Variants in CELA3B observed in about 807,000 individuals in gnomAD.
CELA3B encodes the protein chymotrypsin like elastase 3B, also known as chymotrypsin-like elastase family member 3B.
CELA3B carries 34 observed loss-of-function variants against 37.2 expected under a neutral mutation model. The observed-to-expected ratio is 0.91, with a 90% confidence interval of 0.70 to 1.22. The LOEUF is 1.22. CELA3B is among the 50% of genes most tolerant of loss of function. CELA3B has a pLI of 0.00. For synonymous variants in CELA3B, 127 were observed against 143.5 expected (o/e 0.89, Z 0.82); for missense variants, 340 against 363.1 (o/e 0.94, Z 0.52).
At position 21,986,651 on chromosome 1, in the gene CELA3B, C is replaced by G. The variant is rs372943878; in HGVS notation, c.763C>G (p.Arg255Gly). 3.7e-6 allele frequency: 6 copies of G among 1,613,728 alleles called. No individual in the cohort carries two copies. Among genetic ancestry groups the G allele is most frequent in the Admixed American group, 3.3e-5 (2 of 59,900 alleles). ...CCGCAGGAAGCCCACGGTGTTCACTCGAGTCTCCGCCTTCATTGACTGGAT... is the reference window on the plus strand; with the variant it reads ...CCGCAGGAAGCCCACGGTGTTCACTGGAGTCTCCGCCTTCATTGACTGGAT... ...NTRRKPTVFT[R>G]VSAFIDWIEE... The change falls in exon 7 of 8, where the codon CGA (arginine) becomes GGA (glycine). Residue 255 changes from arginine (R) to glycine (G), a missense_variant. By Grantham distance (125) the Arg-to-Gly change is moderately radical (BLOSUM62 -2). Transcript: ENST00000337107.
At position 21,986,628 on chromosome 1, in the gene CELA3B, G is replaced by C. The variant is rs887057466; in HGVS notation, c.740G>C (p.Arg247Pro). ...SFVSAFGCNT[R>P]RKPTVFTRVS... ...GTTTCTGCCTTTGGCTGCAACACCC[G>C]CAGGAAGCCCACGGTGTTCACTCGA... is the stretch of plus-strand genomic sequence containing the variant. The change falls in exon 7 of 8, where the codon CGC becomes CCC. Residue 247 changes from arginine (R) to proline (P), a missense_variant. Arg to Pro is a moderately radical substitution (Grantham distance 103). Transcript: ENST00000337107. 6.8e-6 allele frequency: 11 copies of C among 1,613,438 alleles called. No individual in the cohort carries two copies. Among genetic ancestry groups the C allele is most frequent in the South Asian group, 3.3e-5 (3 of 91,068 alleles).
At chr1:21,992,429 G>T (rs1347668757), downstream of CELA3B, among the ~76,000 whole-genome samples, 1 of 151,764 alleles carries the variant, frequency 6.6e-6, no homozygotes, top group African/African-American at 2.4e-5. Flanking sequence ...AAGACCCTGT[G>T]CATCAAAAGG....
chr1:21,997,117 T>C (rs1380927461), intron 4 of CELA3B, among the ~76,000 whole-genome samples: 2 of 147,722 alleles, frequency 1.4e-5, no homozygotes, highest in Non-Finnish European at 3.0e-5. Context: ...CCTGGCATTT[T>C]GGGAGGCTGA....
intron 7 of CELA3B, among the ~76,000 whole-genome samples, chr1:21,988,937 A>G (rs1644856450): frequency 6.6e-6 from 1 of 151,754 alleles, no homozygotes; most frequent in Non-Finnish European, 1.5e-5. Context: ...ATATACATAC[A>G]TACATACATA....
chr1:21,983,669 C>T, intron 4 of CELA3B, 25 bp from the exon 5 acceptor site: 1 of 1,610,152 alleles, frequency 6.2e-7, no homozygotes, highest in Non-Finnish European at 8.5e-7. Flanking sequence ...AGGACCAGGC[C>T]CCGTGACTGT....
At chr1:21,978,585 C>G (rs1644785555) in intron 2 of CELA3B, 131 bp downstream of exon 2, 2 of 1,116,060 alleles carry the variant, frequency 1.8e-6, no homozygotes, top group Admixed American at 2.1e-5. Context: ...ACCAGGCAGC[C>G]CTTGGACCAT....
chr1:21,981,950 C>T (rs1002307005), intron 4 of CELA3B, among the ~76,000 whole-genome samples: 2 of 152,058 alleles, frequency 1.3e-5, no homozygotes, highest in Admixed American at 6.6e-5. Context: ...TGATCTCGAT[C>T]TCCTGACCTC....
chr1:21,985,627 C>G (rs1644832955), intron 6 of CELA3B, among the ~76,000 whole-genome samples: 1 of 149,864 alleles, frequency 6.7e-6, no homozygotes, highest in South Asian at 2.1e-4. Flanking sequence ...CTTGGTGGCT[C>G]ATGCCTGTAA....
At chr1:21,979,243 T>C (rs1356534771) in intron 2 of CELA3B, among the ~76,000 whole-genome samples, 1 of 151,056 alleles carries the variant, frequency 6.6e-6, no homozygotes, top group Admixed American at 6.6e-5. Flanking sequence ...CGGCTAATTC[T>C]GTATTTTTAG....
intron 7 of CELA3B, chr1:21,987,836 T>C (rs1569849551): frequency 6.6e-6 from 1 of 151,288 alleles, no homozygotes; most frequent in South Asian, 2.1e-4. Flanking sequence ...TGGCAGCACA[T>C]GTACTAAAAT....
chr1:21,991,824 T>C (rs1308164611), downstream of CELA3B, among the ~76,000 whole-genome samples: 2 of 150,904 alleles, frequency 1.3e-5, no homozygotes, highest in African/African-American at 2.5e-5. Flanking sequence ...CAACAGGTTA[T>C]AGAAGGAGCT....
chr1:21,985,650 G>C (rs1644833072), intron 6 of CELA3B, among the ~76,000 whole-genome samples: 1 of 151,478 alleles, frequency 6.6e-6, no homozygotes, highest in African/African-American at 2.4e-5. Context: ...CCAGCACTTT[G>C]GGAGGCCGAG....
At chr1:21,995,831 G>A (rs1418260442) in intron 4 of CELA3B, among the ~76,000 whole-genome samples, 3 of 146,700 alleles carry the variant, frequency 2.0e-5, no homozygotes, top group African/African-American at 5.2e-5. Context: ...TGAGGGCTAC[G>A]AGCAAAGGTT....
At chr1:21,992,062 A>G (rs1644871183), downstream of CELA3B, among the ~76,000 whole-genome samples, 1 of 150,790 alleles carries the variant, frequency 6.6e-6, no homozygotes, top group Admixed American at 6.6e-5. Flanking sequence ...AGATGTTGCA[A>G]TGAGCTGAGA....
chr1:21,994,384 T>C (rs1339332087), intron 4 of CELA3B, among the ~76,000 whole-genome samples: 1 of 151,072 alleles, frequency 6.6e-6, no homozygotes, highest in Non-Finnish European at 1.5e-5. Context: ...GCTACCAGCA[T>C]CTCCTCTCTC....
downstream of CELA3B, among the ~76,000 whole-genome samples, chr1:21,991,301 T>C (rs1339144523): frequency 7.6e-6 from 1 of 131,318 alleles, no homozygotes; most frequent in South Asian, 2.5e-4. Context: ...GCCTTCCGAG[T>C]AGCTGGGACT....
chr1:21,982,817 G>T (rs1038147280), intron 4 of CELA3B, among the ~76,000 whole-genome samples: 1 of 143,878 alleles, frequency 7.0e-6, no homozygotes, highest in Admixed American at 7.3e-5. Context: ...AGCTGGGACT[G>T]CAGGTGCCCG....
intron 5 of CELA3B, 55 bp from the exon 6 acceptor site, chr1:21,984,134 G>C: frequency 6.4e-7 from 1 of 1,572,942 alleles, no homozygotes; most frequent in Admixed American, 1.8e-5. Flanking sequence ...CCTTCCTCTG[G>C]GGCTCCTAGC....
chr1:21,993,394 G>A (rs1468965115), downstream of CELA3B, among the ~76,000 whole-genome samples: 3 of 149,086 alleles, frequency 2.0e-5, no homozygotes, highest in African/African-American at 5.0e-5. Context: ...CTTGGGAGGC[G>A]GAGGTTGCAG....
Sources: gnomAD v4.1 joint callset for allele counts (sites outside exome capture counted in the v4.1 genomes callset) on GRCh38, gnomAD v4.1.1 for gene constraint, MANE v1.5 for transcripts, NCBI Gene and HGNC (gene_info 2026-07-23, HGNC 2026-07-21) for gene names.